The following AGBL1 variants were observed in gnomAD, a reference collection of about 807,000 sequenced individuals.
AGBL1 encodes cytosolic carboxypeptidase 4.
Under a neutral mutation model 118.9 loss-of-function variants are expected in AGBL1, and 130 were observed. That is an observed-to-expected ratio of 1.09 (90% CI 0.95 to 1.26). The LOEUF is 1.26. AGBL1 is among the 50% of genes most tolerant of loss of function. The pLI is 0.00. For missense variants in AGBL1, 1,584 were observed against 1,298.1 expected, an observed-to-expected ratio of 1.22 and a Z score of -3.38; for synonymous variants, 555 against 478.9, an observed-to-expected ratio of 1.16 and a Z score of -2.08.
intron 22 of AGBL1, among the ~76,000 whole-genome samples, chr15:86,756,192 C>G (rs1451798082): frequency 3.3e-5 from 5 of 149,804 alleles, no homozygotes; most frequent in Admixed American, 6.6e-5. Flanking sequence ...TATGCAAAAA[C>G]AGCTCACAGA....
chr15:86,471,261 T>C (rs2082475191), intron 18 of AGBL1, among the ~76,000 whole-genome samples: 1 of 152,202 alleles, frequency 6.6e-6, no homozygotes, highest in African/African-American at 2.4e-5. Flanking sequence ...TGAAAGCATG[T>C]TGAATTTTGT....
chr15:86,399,001 C>CT (rs2081406201), intron 18 of AGBL1, among the ~76,000 whole-genome samples: 1 of 152,072 alleles, frequency 6.6e-6, no homozygotes, highest in South Asian at 2.1e-4. Flanking sequence ...ATTTTATTTA[C>CT]TTTTTTATAG....
intron 17 of AGBL1, chr15:86,299,798 T>A (rs2079717168): frequency 6.6e-6 from 1 of 152,164 alleles, no homozygotes; most frequent in Non-Finnish European, 1.5e-5. Context: ...TTGTATACTC[T>A]TCCAGAATGG....
At chr15:86,206,217 T>G (rs1001003545) in intron 5 of AGBL1, among the ~76,000 whole-genome samples, 30 of 152,228 alleles carry the variant, frequency 2.0e-4, no homozygotes, top group African/African-American at 7.0e-4. Flanking sequence ...CTATCATCAT[T>G]GGACATTTGG....
At chr15:86,967,359 T>G (rs578103371) in intron 23 of AGBL1, among the ~76,000 whole-genome samples, 13 of 152,280 alleles carry the variant, frequency 8.5e-5, no homozygotes, top group South Asian at 2.1e-4. Context: ...TTTTGGCTTT[T>G]GTTGCCATTG....
At chr15:86,337,752 T>A (rs1595985798) in intron 17 of AGBL1, among the ~76,000 whole-genome samples, 1 of 152,160 alleles carries the variant, frequency 6.6e-6, no homozygotes, top group African/African-American at 2.4e-5. Context: ...AGCTGATGCA[T>A]GCTGGGTTTA....
intron 5 of AGBL1, among the ~76,000 whole-genome samples, chr15:86,180,679 A>G (rs1168320874): frequency 2.0e-5 from 3 of 152,142 alleles, no homozygotes; most frequent in African/African-American, 7.2e-5. Context: ...ACTGTACTTT[A>G]TCAATATTAA....
chr15:86,785,557 G>A (rs1596478830), intron 22 of AGBL1, among the ~76,000 whole-genome samples: 2 of 151,736 alleles, frequency 1.3e-5, no homozygotes, highest in South Asian at 2.1e-4. Flanking sequence ...TAGTAGAGAC[G>A]GGGTTTCACC....
chr15:86,857,569 C>G (rs773923311), intron 22 of AGBL1, among the ~76,000 whole-genome samples: 1 of 152,224 alleles, frequency 6.6e-6, no homozygotes, highest in Non-Finnish European at 1.5e-5. Context: ...TGAATCTCAA[C>G]TCAAAAGTGA....
Position 86,910,154 on chromosome 15 carries a change from A to G in AGBL1, c.*2860A>G, listed in dbSNP as rs2080331204. ...TCTAATGGGGGTGGCAGTTGTGGTA[A>G]AAGTCTACCAAAAGAAGGTCATAAT... On this transcript the variant is annotated 3_prime_UTR_variant, in exon 23 of 23. Coordinates refer to ENST00000614907, the MANE Select transcript of AGBL1 (RefSeq NM_001386094.1). The G allele has an allele frequency of 6.6e-6, 1 of 152,264 alleles. No individual in the cohort carries two copies. Among genetic ancestry groups the G allele is most frequent in the Non-Finnish European group, 1.5e-5 (1 of 68,058 alleles). 9.4% of individuals were successfully genotyped at this position (152,264 alleles called of 1,614,324 possible).
At chr15:86,750,211 C>T (rs1251696120) in intron 22 of AGBL1, among the ~76,000 whole-genome samples, 1 of 151,808 alleles carries the variant, frequency 6.6e-6, no homozygotes, top group Non-Finnish European at 1.5e-5. Flanking sequence ...ATTATTAATA[C>T]CAAAAGGAGT....
chr15:86,423,301 A>G (rs1053514940), intron 18 of AGBL1, among the ~76,000 whole-genome samples: 11 of 152,238 alleles, frequency 7.2e-5, no homozygotes, highest in Non-Finnish European at 1.3e-4. Flanking sequence ...AATCCATCAC[A>G]GAAACAGAAC....
intron 18 of AGBL1, among the ~76,000 whole-genome samples, chr15:86,407,472 G>T (rs1389472192): frequency 6.6e-6 from 1 of 152,102 alleles, no homozygotes; most frequent in African/African-American, 2.4e-5. Flanking sequence ...TATATGTCTT[G>T]TAAGTCTAGT....
intron 1 of AGBL1, among the ~76,000 whole-genome samples, chr15:86,129,826 A>G (rs953583731): frequency 2.6e-5 from 4 of 152,212 alleles, no homozygotes; most frequent in Non-Finnish European, 4.4e-5. Flanking sequence ...TCTTTTGAGA[A>G]GATAGTTAAC....
intron 22 of AGBL1, among the ~76,000 whole-genome samples, chr15:86,730,178 A>C (rs1204883992): frequency 1.3e-5 from 2 of 152,334 alleles, no homozygotes; most frequent in African/African-American, 4.8e-5. Flanking sequence ...AAATCTTATA[A>C]GAAAACCTGG....
At chr15:86,881,315 C>G (rs1006440647) in intron 22 of AGBL1, among the ~76,000 whole-genome samples, 1 of 152,168 alleles carries the variant, frequency 6.6e-6, no homozygotes, top group African/African-American at 2.4e-5. Flanking sequence ...GGAATGCTCT[C>G]AGTGTCTTTT....
At chr15:86,516,624 AC>A (rs1278663405) in intron 18 of AGBL1, among the ~76,000 whole-genome samples, 1 of 151,946 alleles carries the variant, frequency 6.6e-6, no homozygotes, top group East Asian at 1.9e-4. Flanking sequence ...ACATGGCGAA[AC>A]CCTGTCTCTA....
chr15:86,374,589 G>A (rs570173882), intron 17 of AGBL1, among the ~76,000 whole-genome samples: 2 of 152,290 alleles, frequency 1.3e-5, no homozygotes, highest in Non-Finnish European at 2.9e-5. Flanking sequence ...GAGTGAGCTA[G>A]GTTGTCTATC....
chr15:86,834,699 C>T (rs150188643), intron 22 of AGBL1, among the ~76,000 whole-genome samples: 81 of 152,234 alleles, frequency 5.3e-4, no homozygotes, highest in African/African-American at 1.7e-3. Context: ...GGAGCCAACT[C>T]GGCATGGACT....
Sources: allele counts gnomAD v4.1 joint callset (sites outside exome capture counted in the v4.1 genomes callset), GRCh38; gene constraint gnomAD v4.1.1; transcripts MANE v1.5; gene names NCBI Gene and HGNC (gene_info 2026-07-23, HGNC 2026-07-21).